Variants in LLGL1 observed in about 807,000 individuals in gnomAD.
LLGL1 encodes the protein LLGL scribble cell polarity complex component 1, also known as lethal(2) giant larvae protein homolog 1.
A neutral mutation model predicts 110.6 loss-of-function variants in LLGL1; 58 were observed. That is an observed-to-expected ratio of 0.52 (90% CI 0.42 to 0.65). The LOEUF is 0.65. Ranked by LOEUF, LLGL1 falls within the 30% of genes least tolerant of loss-of-function variation. The probability of loss-of-function intolerance (pLI) is 0.00; values close to 1 mark genes in which losing one functional copy is unlikely to be tolerated. For synonymous variants in LLGL1, 674 were observed against 607.2 expected, an observed-to-expected ratio of 1.11 and a Z score of -1.62; for missense variants, 1,229 against 1,462.1, an observed-to-expected ratio of 0.84 and a Z score of 2.60.
chr17:18,242,574 C>T lies in LLGL1; in HGVS notation c.3062C>T (p.Thr1021Ile), dbSNP rs1193747098. The change falls in exon 21 of 23, where the codon ACC becomes ATC. Residue 1021 changes from threonine (T) to isoleucine (I), a missense_variant. By Grantham distance (89) the Thr-to-Ile change is moderately conservative. Coordinates refer to ENST00000316843, the MANE Select transcript of LLGL1 (RefSeq NM_004140.4). The part of the protein sequence containing the change: ...MSIDSATSAD[T>I]TLDTTGDVTV... ...ATCGACTCAGCCACCAGTGCTGACA[C>T]CACGCTGGACACGACAGGGGACGTC... The T allele has an allele frequency of 1.2e-6, 2 of 1,614,150 alleles. No homozygotes were observed. The highest frequency in any genetic ancestry group is 4.5e-5 in the East Asian group (2 of 44,888).
chr17:18,235,047 C>A (rs767485272), intron 9 of LLGL1, 42 bp from the exon 10 acceptor site: 1 of 1,613,734 alleles, frequency 6.2e-7, no homozygotes, highest in South Asian at 1.1e-5. Context: ...TGCCCTCTGC[C>A]ACCTATGGCT....
At chr17:18,225,935 C>G (rs927311792) in intron 1 of LLGL1, among the ~76,000 whole-genome samples, 172 bp downstream of exon 1, 8 of 150,950 alleles carry the variant, frequency 5.3e-5, no homozygotes, top group Non-Finnish European at 1.5e-5. Flanking sequence ...CCCGCTCTGG[C>G]TCGGACTCTG....
At chr17:18,236,140 G>C in intron 11 of LLGL1, 1 of 183,746 alleles carries the variant, frequency 5.4e-6, no homozygotes, top group South Asian at 1.2e-4. Context: ...TCCTTCCCCT[G>C]CCCCCTCCCT....
At chr17:18,237,444 C>T in intron 13 of LLGL1, 37 bp from the exon 14 acceptor site, 1 of 1,524,058 alleles carries the variant, frequency 6.6e-7, no homozygotes, top group Middle Eastern at 2.4e-4. Context: ...GGCCCCTCCC[C>T]TGCGCTGATG....
intron 11 of LLGL1, 77 bp from the exon 12 acceptor site, chr17:18,236,530 G>A: frequency 7.0e-7 from 1 of 1,434,378 alleles, no homozygotes; most frequent in Non-Finnish European, 9.6e-7. Context: ...TTAGTGAGTG[G>A]TTATCAGATG....
chr17:18,241,621 G>A lies in LLGL1; in HGVS notation c.2673G>A (p.Ser891=), dbSNP rs144976161. 1.2e-5 allele frequency: 20 copies of A among 1,613,480 alleles called. No individual in the cohort carries two copies. In the African/African-American group the frequency reaches 1.5e-4, roughly 12 times the overall value. ...LTNLGDVHVF[S]VPGLRPQVHY... is the part of the protein sequence containing the mutation. The stretch of plus-strand genomic sequence containing the variant: ...ACCTGGGTGACGTCCACGTCTTCTC[G>A]GTGCCTGGCCTGCGGCCCCAGGTGC... Residue 891 remains serine (S), a synonymous_variant, in exon 18 of 23, where the codon TCG becomes TCA. Transcript: ENST00000316843.
rs775427187 is a variant in LLGL1, at chr17:18,235,138, G to A, written c.1110G>A (p.Val370=). The A allele has an allele frequency of 2.5e-6, 4 of 1,613,782 alleles. No individual in the cohort carries two copies. Among genetic ancestry groups the A allele is most frequent in the East Asian group, 4.5e-5 (2 of 44,880 alleles). ...ALAVLLEEEL[V]VLDLQTPGWP... ...CTGTGCTGCTGGAAGAGGAGCTGGTGGTGCTGGACCTGCAGACTCCTGGCT... is the reference window on the plus strand; with the variant it reads ...CTGTGCTGCTGGAAGAGGAGCTGGTAGTGCTGGACCTGCAGACTCCTGGCT... The change falls in exon 10 of 23, where the codon GTG becomes GTA. Residue 370 remains valine, a synonymous_variant. Transcript: ENST00000316843.
chr17:18,243,414 C>T (rs916380834), intron 22 of LLGL1, among the ~76,000 whole-genome samples: 1 of 152,204 alleles, frequency 6.6e-6, no homozygotes, highest in African/African-American at 2.4e-5. Flanking sequence ...GCCAACAAGA[C>T]CAGATTAAAC....
In LLGL1 at chr17:18,233,932, C is replaced by T. The variant is rs1036846915; in HGVS notation, c.547C>T (p.Arg183Cys). The T allele has an allele frequency of 5.0e-6, 8 of 1,611,638 alleles. No individual in the cohort carries two copies. Among genetic ancestry groups the T allele is most frequent in the Admixed American group, 1.7e-5 (1 of 59,958 alleles). ...GQTLAPGEVL[R>C]SVPDDYRCGK... Reference sequence around the variant, plus strand: ...GACGCTTGCCCCAGGCGAGGTTCTGCGCAGGTAAGAGGCCGGTGGGCTTCC... The same window carrying T: ...GACGCTTGCCCCAGGCGAGGTTCTGTGCAGGTAAGAGGCCGGTGGGCTTCC... The change falls in exon 5 of 23, where the codon CGC (arginine) becomes TGC (cysteine). Residue 183 changes from arginine to cysteine, a missense_variant. Coordinates refer to ENST00000316843, the MANE Select transcript of LLGL1 (RefSeq NM_004140.4).
rs2047940962 is a variant in LLGL1 at position 18,244,592 on chromosome 17, C to T, written c.*686C>T. The T allele has an allele frequency of 6.6e-6, 1 of 152,320 alleles. No homozygotes were observed. The highest frequency in any genetic ancestry group is 1.9e-4 in the East Asian group (1 of 5,178). The allele number at this position is 152,320 out of a possible 1,614,324, so 9.4% of individuals were successfully genotyped here. A position where few individuals can be genotyped will look rare whatever the true frequency, so the allele number is the denominator to read the frequency against. Reference sequence around the variant, plus strand: ...CTGGGCTGGACAGTTGTTTCTAAAACTAAACTATTTTGGTACCTGCTTCTG... The same window carrying T: ...CTGGGCTGGACAGTTGTTTCTAAAATTAAACTATTTTGGTACCTGCTTCTG... On this transcript the variant is annotated 3_prime_UTR_variant, in exon 23 of 23. Coordinates refer to ENST00000316843, the MANE Select transcript of LLGL1 (RefSeq NM_004140.4).
chr17:18,235,503 C>A lies in LLGL1; in HGVS notation c.1318C>A (p.Gln440Lys). The A allele has an allele frequency of 1.2e-6, 2 of 1,614,010 alleles. No individual in the cohort carries two copies. Among genetic ancestry groups the A allele is most frequent in the South Asian group, 2.2e-5 (2 of 91,074 alleles). Residue 440 changes from glutamine to lysine, a missense_variant, in exon 11 of 23, where the codon CAG (glutamine) becomes AAG (lysine). Physicochemically the swap from Gln to Lys is moderately conservative, Grantham distance 53. Transcript: ENST00000316843. ...CATCACTGGGGGCCGAAACCTGGCC[C>A]AGGAGCCGTCACAGCGAGGGCTGCT... ...WPITGGRNLA[Q>K]EPSQRGLLLT...
chr17:18,235,696 C>A, intron 11 of LLGL1, 159 bp downstream of exon 11: 1 of 675,514 alleles, frequency 1.5e-6, no homozygotes, highest in Non-Finnish European at 2.5e-6. Flanking sequence ...TGAAACCTCC[C>A]TGGACCTTGG....
Position 18,232,664 on chromosome 17 carries a change from C to T in LLGL1, c.262-8C>T, listed in dbSNP as rs1449576999. 2 of 1,614,178 alleles carry T rather than the reference C, an allele frequency of 1.2e-6. No individual in the cohort carries two copies. The highest frequency in any genetic ancestry group is 1.1e-5 in the South Asian group (1 of 91,080). ...CCAGCCTAGTTTTCATCTCTGCTCA[C>T]ACACCAGGGCCGCCTCCTGTCCCTG... On this transcript the variant is annotated splice_polypyrimidine_tract_variant and splice_region_variant and intron_variant, in intron 3 of 22. Transcript: ENST00000316843.
At position 18,240,309 on chromosome 17, in the gene LLGL1, G is replaced by C. The variant is rs2047799041; in HGVS notation, c.2207-269G>C. ...TGGGTGCCCATCAGCATTCTGTGCAGATGCGCTACAGCTGTTCGGGCCTCT... is the reference window on the plus strand; with the variant it reads ...TGGGTGCCCATCAGCATTCTGTGCACATGCGCTACAGCTGTTCGGGCCTCT... On this transcript the variant is annotated intron_variant, in intron 16 of 22. Coordinates refer to ENST00000316843, the MANE Select transcript of LLGL1 (RefSeq NM_004140.4). This position sits in a 1 kb window ranked among gnomAD's most constrained non-coding sequence, Gnocchi z 5.3. Among the ~76,000 whole-genome samples, 2 of 152,158 alleles carry C rather than the reference G, an allele frequency of 1.3e-5. No individual in the cohort carries two copies. The highest frequency in any genetic ancestry group is 2.9e-5 in the Non-Finnish European group (2 of 68,024).
rs766703730 is a variant in LLGL1, at chr17:18,236,568, C to T, written c.1353-39C>T. 4.4e-6 allele frequency: 7 copies of T among 1,581,512 alleles called. No individual in the cohort carries two copies. The South Asian group carries it at 6.8e-5, about 15-fold the overall frequency. On this transcript the variant is annotated intron_variant, in intron 11 of 22. Transcript: ENST00000316843. ...TGAATGGAGGGGCGTGCAGGCCTCC[C>T]AGGAACTCGGGTAGCCCTGACATCT... is the stretch of plus-strand genomic sequence containing the variant.
At position 18,241,958 on chromosome 17, in the gene LLGL1, C is replaced by T. The variant is rs761366286; in HGVS notation, c.2841C>T (p.Cys947=). The T allele has an allele frequency of 5.6e-5, 90 of 1,614,048 alleles. No homozygotes were observed. Among genetic ancestry groups the T allele is most frequent in the Non-Finnish European group, 7.3e-5 (86 of 1,180,004 alleles). Residue 947 remains cysteine (C), a synonymous_variant, in exon 19 of 23, where the codon TGC becomes TGT. Coordinates refer to ENST00000316843, the MANE Select transcript of LLGL1 (RefSeq NM_004140.4). ...LSARNITEPL[C]SLDINWPRDA... ...CCCGGAACATCACAGAGCCGCTCTG[C>T]TCTCTGGACATTAACTGGCCCCGCG...
At chr17:18,234,574 T>G in intron 7 of LLGL1, 75 bp from the exon 8 acceptor site, 1 of 1,596,836 alleles carries the variant, frequency 6.3e-7, no homozygotes, top group Non-Finnish European at 8.6e-7. Context: ...TAGAGAGCAG[T>G]GGAGGGCAGA....
At chr17:18,225,911 C>T (rs952791643) in intron 1 of LLGL1, 148 bp downstream of exon 1, 11 of 194,600 alleles carry the variant, frequency 5.7e-5, no homozygotes, top group African/African-American at 2.6e-4. Flanking sequence ...GGGCCGCGCA[C>T]CCCCTCGGCG....
chr17:18,242,213 C>T lies in LLGL1; in HGVS notation c.2930C>T (p.Pro977Leu), dbSNP rs150245335. Reference protein sequence around the residue: ...SPKLSQANGTPSILLAPQSLD... With the variant: ...SPKLSQANGTLSILLAPQSLD... ...AAGCTGAGCCAGGCTAACGGGACCC[C>T]AAGCATCCTGCTGGCCCCACAGAGC... is the stretch of plus-strand genomic sequence containing the variant. The change falls in exon 20 of 23, where the codon CCA (proline) becomes CTA (leucine). Residue 977 changes from proline to leucine, a missense_variant. Transcript: ENST00000316843. 2,838 of 1,614,114 alleles carry T rather than the reference C, an allele frequency of 1.8e-3. 9 individuals carry two copies. The highest frequency in any genetic ancestry group is 3.5e-3 in the Admixed American group (208 of 60,010).
Sources: gnomAD v4.1 joint callset for allele counts (sites outside exome capture counted in the v4.1 genomes callset) on GRCh38, gnomAD v4.1.1 for gene constraint, Gnocchi (gnomAD v3.1) non-coding constraint, MANE v1.5 for transcripts, NCBI Gene and HGNC (gene_info 2026-07-23, HGNC 2026-07-21) for gene names.